PTPRM: variants seen among roughly 807,000 people sequenced by gnomAD.
PTPRM encodes the protein receptor-type tyrosine-protein phosphatase mu.
PTPRM carries 47 observed loss-of-function variants against 186.7 expected under a neutral mutation model. The observed-to-expected ratio is 0.25, with a 90% confidence interval of 0.20 to 0.32. The LOEUF (loss-of-function observed/expected upper bound fraction) is 0.32. Among genes scored for constraint, PTPRM ranks in the 10% least tolerant of loss-of-function variants. The pLI, the probability that PTPRM is intolerant of heterozygous loss-of-function variation, is 1.00. For missense variants in PTPRM, 1,494 were observed against 1,865.0 expected (o/e 0.80, Z 3.66); for synonymous variants, 668 against 674.9 (o/e 0.99, Z 0.16).
chr18:8,253,082 T>C (rs1313772946), intron 18 of PTPRM, 145 bp from the exon 19 acceptor site: 5 of 545,178 alleles, frequency 9.2e-6, no homozygotes, highest in Non-Finnish European at 1.5e-5. Context: ...TCTAAACATT[T>C]AACTTTTCTT....
At chr18:7,785,143 T>G (rs933025484) in intron 2 of PTPRM, among the ~76,000 whole-genome samples, 7 of 152,010 alleles carry the variant, frequency 4.6e-5, no homozygotes, top group African/African-American at 1.7e-4. Context: ...GAGGAAGAGG[T>G]CCAGACATAG....
At chr18:8,393,472 T>G (rs2095828072) in intron 31 of PTPRM, among the ~76,000 whole-genome samples, 1 of 152,174 alleles carries the variant, frequency 6.6e-6, no homozygotes, top group African/African-American at 2.4e-5. Context: ...AAGGAAAGAC[T>G]GAAGGAAACT....
At chr18:8,278,561 TAAATG>T (rs1173577649) in intron 19 of PTPRM, among the ~76,000 whole-genome samples, 1 of 152,134 alleles carries the variant, frequency 6.6e-6, no homozygotes, top group East Asian at 1.9e-4. Flanking sequence ...AAAAAATAAA[TAAATG>T]AAAGACCTGA....
At chr18:7,659,918 G>A (rs1024207120) in intron 1 of PTPRM, among the ~76,000 whole-genome samples, 5 of 152,168 alleles carry the variant, frequency 3.3e-5, no homozygotes, top group Non-Finnish European at 5.9e-5. Context: ...TCTGTCATGT[G>A]TTCCCACTCT....
chr18:8,339,072 C>T (rs1488759154), intron 22 of PTPRM, among the ~76,000 whole-genome samples: 1 of 152,066 alleles, frequency 6.6e-6, no homozygotes, highest in Admixed American at 6.6e-5. Flanking sequence ...TTTTTGATAT[C>T]TCTCACTTCC....
chr18:7,974,816 C>T (rs530576266), intron 7 of PTPRM, among the ~76,000 whole-genome samples: 12 of 152,244 alleles, frequency 7.9e-5, no homozygotes, highest in East Asian at 1.9e-4. Context: ...AATTAAGGAC[C>T]GATAATAACT....
At chr18:7,803,651 G>C (rs1451924967) in intron 2 of PTPRM, among the ~76,000 whole-genome samples, 1 of 152,162 alleles carries the variant, frequency 6.6e-6, no homozygotes, top group Non-Finnish European at 1.5e-5. Flanking sequence ...TTAGCCCATG[G>C]GGAAGGAGAT....
chr18:7,748,709 C>T (rs1481944222), intron 1 of PTPRM, among the ~76,000 whole-genome samples: 1 of 152,076 alleles, frequency 6.6e-6, no homozygotes, highest in Non-Finnish European at 1.5e-5. Flanking sequence ...AGTATAAATC[C>T]CAGCATCATT....
At chr18:7,885,462 A>G (rs968555310) in intron 2 of PTPRM, among the ~76,000 whole-genome samples, 7 of 152,176 alleles carry the variant, frequency 4.6e-5, no homozygotes, top group Non-Finnish European at 7.3e-5. Context: ...TCATGCACTG[A>G]TAAAGCTTTC....
chr18:7,870,357 A>G (rs920029924), intron 2 of PTPRM, among the ~76,000 whole-genome samples: 3 of 151,980 alleles, frequency 2.0e-5, no homozygotes, highest in East Asian at 1.9e-4. Flanking sequence ...CCTTTTGGCA[A>G]CTCAGTTTTC....
chr18:7,925,271 A>G (rs1277782107), intron 4 of PTPRM, among the ~76,000 whole-genome samples: 2 of 152,178 alleles, frequency 1.3e-5, no homozygotes, highest in Non-Finnish European at 2.9e-5. Flanking sequence ...ATATATTAGT[A>G]TTAAGAAACA....
At chr18:8,063,459 A>G (rs890702640) in intron 7 of PTPRM, among the ~76,000 whole-genome samples, 2 of 152,196 alleles carry the variant, frequency 1.3e-5, no homozygotes, top group East Asian at 1.9e-4. Context: ...CTATTCGGCC[A>G]TCTTCCATTG....
At chr18:8,238,400 T>A (rs1347553498) in intron 14 of PTPRM, among the ~76,000 whole-genome samples, 1 of 152,114 alleles carries the variant, frequency 6.6e-6, no homozygotes, top group East Asian at 1.9e-4. Context: ...TAATGAACTA[T>A]CACAGGCGTT....
At chr18:8,385,488 C>T (rs532680719) in intron 30 of PTPRM, among the ~76,000 whole-genome samples, 8 of 152,226 alleles carry the variant, frequency 5.3e-5, no homozygotes, top group African/African-American at 1.7e-4. Context: ...CAGGGAGCAC[C>T]GAGGCTCTCT....
intron 22 of PTPRM, among the ~76,000 whole-genome samples, chr18:8,340,591 A>G (rs1242468192): frequency 2.0e-5 from 3 of 152,200 alleles, no homozygotes; most frequent in Non-Finnish European, 4.4e-5. Flanking sequence ...ATGTTCCTAG[A>G]TGACATGTTA....
At chr18:8,149,863 C>A (rs1376464154) in intron 14 of PTPRM, among the ~76,000 whole-genome samples, 1 of 152,162 alleles carries the variant, frequency 6.6e-6, no homozygotes, top group Non-Finnish European at 1.5e-5. Context: ...AATCTCTCAG[C>A]ATTTGCTTGT....
At chr18:7,887,754 G>A (rs917856168) in intron 2 of PTPRM, among the ~76,000 whole-genome samples, 10 of 152,168 alleles carry the variant, frequency 6.6e-5, no homozygotes, top group East Asian at 1.9e-4. Context: ...ATGAGGACAC[G>A]CATTTTAAAT....
At chr18:7,727,496 T>C (rs906189479) in intron 1 of PTPRM, among the ~76,000 whole-genome samples, 2 of 152,210 alleles carry the variant, frequency 1.3e-5, no homozygotes, top group African/African-American at 4.8e-5. Flanking sequence ...CCACTTTTTT[T>C]TGTCATGAAG....
At chr18:8,094,388 G>A (rs951037665) in intron 11 of PTPRM, among the ~76,000 whole-genome samples, 1 of 151,566 alleles carries the variant, frequency 6.6e-6, no homozygotes, top group African/African-American at 2.4e-5. Context: ...AGATATAAAT[G>A]TTTTGTAATA....
Sources: allele counts gnomAD v4.1 joint callset (sites outside exome capture counted in the v4.1 genomes callset), GRCh38; gene constraint gnomAD v4.1.1; transcripts MANE v1.5; gene names NCBI Gene and HGNC (gene_info 2026-07-23, HGNC 2026-07-21).